The following ARHGEF12 variants were observed in gnomAD, a reference collection of about 807,000 sequenced individuals.
The protein encoded by ARHGEF12 is KMT2A/ARHGEF12 fusion protein.
In ARHGEF12, 66 loss-of-function variants were observed where a neutral mutation model predicts 211.2. That is an observed-to-expected ratio of 0.31 (90% confidence interval 0.26 to 0.38). The LOEUF (loss-of-function observed/expected upper bound fraction) is 0.38, where lower values mean the gene tolerates loss of function less well. ARHGEF12 is among the 10% of genes least tolerant of loss of function. The pLI is 1.00. For missense variants in ARHGEF12, 1,429 were observed against 1,869.5 expected, an observed-to-expected ratio of 0.76 and a Z score of 4.34; for synonymous variants, 592 against 638.4, an observed-to-expected ratio of 0.93 and a Z score of 1.09.
intron 1 of ARHGEF12, among the ~76,000 whole-genome samples, chr11:120,367,086 A>G (rs1943444394): frequency 6.6e-6 from 1 of 152,104 alleles, no homozygotes. Flanking sequence ...TAAGAAGCTT[A>G]GTTGCTGTCC....
At chr11:120,364,783 A>G (rs967823452) in intron 1 of ARHGEF12, among the ~76,000 whole-genome samples, 1 of 151,508 alleles carries the variant, frequency 6.6e-6, no homozygotes, top group Admixed American at 6.6e-5. Context: ...CATTCATGTG[A>G]TGCTTTTAAA....
At chr11:120,430,843 G>C (rs1323314128) in intron 10 of ARHGEF12, among the ~76,000 whole-genome samples, 2 of 152,118 alleles carry the variant, frequency 1.3e-5, no homozygotes, top group African/African-American at 4.8e-5. Flanking sequence ...TGACATCCTG[G>C]TTTAGTGTAC....
chr11:120,347,266 C>CTGTGTGTGTGTGTG (rs1403212586), intron 1 of ARHGEF12, among the ~76,000 whole-genome samples: 1 of 133,502 alleles, frequency 7.5e-6, no homozygotes, highest in African/African-American at 3.0e-5. Flanking sequence ...CTCTCTCTCT[C>CTGTGTGTGTGTGTG]TGTCTGTGTG....
At chr11:120,351,956 G>A (rs909464845) in intron 1 of ARHGEF12, among the ~76,000 whole-genome samples, 1 of 152,056 alleles carries the variant, frequency 6.6e-6, no homozygotes, top group Admixed American at 6.6e-5. Flanking sequence ...GAAGACTTGG[G>A]ATTATTACTC....
chr11:120,381,304 G>A (rs183880772), intron 1 of ARHGEF12, among the ~76,000 whole-genome samples: 4 of 152,030 alleles, frequency 2.6e-5, no homozygotes, highest in Admixed American at 2.0e-4. Flanking sequence ...TTACCACAAG[G>A]TTCACTCTAG....
chr11:120,479,679 A>T (rs2136000858), intron 37 of ARHGEF12, among the ~76,000 whole-genome samples: 1 of 152,314 alleles, frequency 6.6e-6, no homozygotes. Context: ...AGGAGTTCTA[A>T]ATAGTAGTAT....
chr11:120,440,314 C>T, intron 13 of ARHGEF12, 93 bp downstream of exon 13: 1 of 1,053,752 alleles, frequency 9.5e-7, no homozygotes, highest in Non-Finnish European at 1.4e-6. Context: ...ATTAAGATAA[C>T]ATTTGTAAGG....
rs537932227 is a variant in ARHGEF12, at chr11:120,476,492, T to G, written c.3278-169T>G. 1.1e-3 allele frequency: 511 copies of G among 449,686 alleles called. 1 individual carries two copies. Among genetic ancestry groups the G allele is most frequent in the Non-Finnish European group, 1.8e-3 (449 of 252,936 alleles). 27.9% of individuals were successfully genotyped at this position (449,686 alleles called of 1,614,324 possible). A position where few individuals can be genotyped will look rare whatever the true frequency, so the allele number is the denominator to read the frequency against. On this transcript the variant is annotated intron_variant, in intron 33 of 40. Coordinates refer to ENST00000397843, the MANE Select transcript of ARHGEF12 (RefSeq NM_015313.3). Reference sequence around the variant, plus strand: ...CAATAAATATAGTACAATAAATACGTTAATATGGTAAGTTGCACAAATTTT... The same window carrying G: ...CAATAAATATAGTACAATAAATACGGTAATATGGTAAGTTGCACAAATTTT...
intron 1 of ARHGEF12, among the ~76,000 whole-genome samples, chr11:120,346,963 G>A (rs1942747428): frequency 1.3e-5 from 2 of 152,182 alleles, no homozygotes; most frequent in South Asian, 4.1e-4. Flanking sequence ...CTGATAGGGT[G>A]AGGTAATAGT....
intron 21 of ARHGEF12, chr11:120,451,225 C>T (rs1946202389): frequency 3.9e-6 from 1 of 254,130 alleles, no homozygotes; most frequent in Non-Finnish European, 7.7e-6. Flanking sequence ...GTCACCCAGG[C>T]TGGAGTGCAG....
chr11:120,467,071 A>AT, intron 28 of ARHGEF12, 123 bp from the exon 29 acceptor site: 1 of 616,074 alleles, frequency 1.6e-6, no homozygotes, highest in Admixed American at 3.1e-5. Flanking sequence ...ATATCTTGGC[A>AT]TTTTTTAAAG....
chr11:120,473,604 T>C (rs910997674), intron 31 of ARHGEF12, among the ~76,000 whole-genome samples: 2 of 152,146 alleles, frequency 1.3e-5, no homozygotes, highest in African/African-American at 4.8e-5. Context: ...CTCGCTGTGT[T>C]GTCAGGTTGG....
At chr11:120,338,897 C>T (rs1450707537) in intron 1 of ARHGEF12, among the ~76,000 whole-genome samples, 1 of 151,900 alleles carries the variant, frequency 6.6e-6, no homozygotes, top group Non-Finnish European at 1.5e-5. Flanking sequence ...CTTGTCTTCT[C>T]GTTATCTTGG....
intron 23 of ARHGEF12, 112 bp from the exon 24 acceptor site, chr11:120,457,609 A>G (rs911576590): frequency 2.8e-6 from 2 of 709,330 alleles, no homozygotes; most frequent in South Asian, 3.6e-5. Context: ...ACAATATCCC[A>G]AAGAATTATT....
In ARHGEF12 at chr11:120,475,389, GGATGATA is replaced by G; in HGVS notation, c.3162_3168del (p.Asp1055TrpfsTer3). The G allele has an allele frequency of 6.2e-7, 1 of 1,614,066 alleles. No individual in the cohort carries two copies. Among genetic ancestry groups the G allele is most frequent in the Non-Finnish European group, 8.5e-7 (1 of 1,179,990 alleles). On this transcript the variant is annotated frameshift_variant, in exon 33 of 41. Transcript: ENST00000397843. LOFTEE classifies it high-confidence loss of function. ...ACATTCTTGTATTGTTACAAAAGCA[GGATGATA>G]GACTGGTTTTAAGGTGTCATAGTAA...
chr11:120,469,018 C>T (rs1946789931), intron 29 of ARHGEF12, among the ~76,000 whole-genome samples: 1 of 152,120 alleles, frequency 6.6e-6, no homozygotes, highest in Admixed American at 6.5e-5. Flanking sequence ...TGGTACTTCA[C>T]GTAAAGCATC....
intron 1 of ARHGEF12, among the ~76,000 whole-genome samples, chr11:120,338,663 ACTTTTAC>A (rs1942432795): frequency 6.6e-6 from 1 of 152,108 alleles, no homozygotes; most frequent in Non-Finnish European, 1.5e-5. Context: ...CTGAGAAATC[ACTTTTAC>A]GGGTGTGGGG....
intron 4 of ARHGEF12, among the ~76,000 whole-genome samples, chr11:120,418,430 C>G (rs896115253): frequency 6.6e-6 from 1 of 152,122 alleles, no homozygotes; most frequent in African/African-American, 2.4e-5. Context: ...TATGGACATA[C>G]GACAGTTTGT....
intron 27 of ARHGEF12, chr11:120,462,657 G>A (rs745339213): frequency 1.3e-5 from 2 of 152,354 alleles, no homozygotes; most frequent in African/African-American, 2.4e-5. Flanking sequence ...CATACAAAGC[G>A]TTAATTTAGA....
Sources: allele counts gnomAD v4.1 joint callset (sites outside exome capture counted in the v4.1 genomes callset), GRCh38; gene constraint gnomAD v4.1.1; transcripts MANE v1.5; gene names NCBI Gene and HGNC (gene_info 2026-07-23, HGNC 2026-07-21).